The following KRCC1 variants were observed in gnomAD, a reference collection of about 807,000 sequenced individuals.
The protein encoded by KRCC1 is lysine-rich coiled-coil protein 1.
In KRCC1, 3 loss-of-function variants were observed where a neutral mutation model predicts 7.4. The observed-to-expected ratio is 0.40, with a 90% CI of 0.18 to 1.04. KRCC1 has a LOEUF of 1.04. Ranked by LOEUF, KRCC1 falls within the 50% of genes least tolerant of loss-of-function variation. KRCC1 has a pLI of 0.33. For synonymous variants in KRCC1, 102 were observed against 101.6 expected, an observed-to-expected ratio of 1.00 and a Z score of -0.02; for missense variants, 277 against 300.9, an observed-to-expected ratio of 0.92 and a Z score of 0.59.
chr2:88,036,603 T>C (rs1673095532), intron 2 of KRCC1, among the ~76,000 whole-genome samples: 1 of 152,208 alleles, frequency 6.6e-6, no homozygotes, highest in African/African-American at 2.4e-5. Context: ...AAAGGAAGAC[T>C]CTGGGGATCT....
At chr2:88,034,639 TTAAAA>T (rs1324418641) in intron 2 of KRCC1, among the ~76,000 whole-genome samples, 1 of 152,228 alleles carries the variant, frequency 6.6e-6, no homozygotes, top group Non-Finnish European at 1.5e-5. Context: ...ACGTGAACAC[TTAAAA>T]TAATCTTTTA....
chr2:88,044,391 C>T (rs1322117458), intron 1 of KRCC1, among the ~76,000 whole-genome samples: 1 of 47,986 alleles, frequency 2.1e-5, no homozygotes, highest in African/African-American at 6.5e-5. Flanking sequence ...CTTGTCTCTA[C>T]AAAAGAAAAC....
intron 3 of KRCC1, 116 bp from the exon 4 acceptor site, chr2:88,028,701 G>A: frequency 1.5e-6 from 1 of 652,142 alleles, no homozygotes; most frequent in Non-Finnish European, 2.5e-6. Context: ...CCAGACTAGA[G>A]TGCAGTGGGG....
At chr2:88,043,532 T>C (rs1673259933) in intron 1 of KRCC1, among the ~76,000 whole-genome samples, 2 of 152,242 alleles carry the variant, frequency 1.3e-5, no homozygotes, top group African/African-American at 2.4e-5. Flanking sequence ...ATGACTTGTG[T>C]TTTCAATAAA....
At chr2:88,031,587 A>C (rs1416486026) in intron 3 of KRCC1, among the ~76,000 whole-genome samples, 1 of 152,014 alleles carries the variant, frequency 6.6e-6, no homozygotes, top group East Asian at 1.9e-4. Context: ...GTGCCACTGC[A>C]CTCCAGCCTG....
intron 1 of KRCC1, among the ~76,000 whole-genome samples, chr2:88,045,952 T>A (rs1673323463): frequency 6.6e-6 from 1 of 152,190 alleles, no homozygotes; most frequent in Non-Finnish European, 1.5e-5. Flanking sequence ...AGTGCCAGGA[T>A]TACAGGCGTG....
intron 2 of KRCC1, among the ~76,000 whole-genome samples, chr2:88,034,790 T>C (rs1673060725): frequency 6.6e-6 from 1 of 152,158 alleles, no homozygotes; most frequent in South Asian, 2.1e-4. Flanking sequence ...GCAAATGTCT[T>C]TCCTTTCTCT....
intron 1 of KRCC1, among the ~76,000 whole-genome samples, chr2:88,047,726 C>T (rs1673370611): frequency 6.6e-6 from 1 of 151,288 alleles, no homozygotes; most frequent in South Asian, 2.1e-4. Context: ...ACCGGGGTTT[C>T]ACCATGTTGC....
intron 3 of KRCC1, among the ~76,000 whole-genome samples, chr2:88,029,260 G>A (rs1464236388): frequency 6.6e-6 from 1 of 152,164 alleles, no homozygotes; most frequent in African/African-American, 2.4e-5. Flanking sequence ...AAGTTCTCAT[G>A]AATTGGTTTC....
chr2:88,036,726 T>C (rs1487323009), intron 2 of KRCC1, among the ~76,000 whole-genome samples: 1 of 152,178 alleles, frequency 6.6e-6, no homozygotes, highest in Non-Finnish European at 1.5e-5. Context: ...GAAGACAGAA[T>C]GGAGAAAGGA....
chr2:88,028,147 G>A lies in KRCC1; in HGVS notation c.417C>T (p.His139=). 3 of 1,614,112 alleles carry A rather than the reference G, an allele frequency of 1.9e-6. No homozygotes were observed. The highest frequency in any genetic ancestry group is 1.7e-6 in the Non-Finnish European group (2 of 1,180,030). The change falls in exon 4 of 4, where the codon CAC becomes CAT. Residue 139 remains histidine (H), a synonymous_variant. Transcript: ENST00000347055. ...SHGVEHRVYK[H]FSSDNSTSTH... ...TACTGGTACTGTTATCTGAGGAGAA[G>A]TGCTTGTAAACTCTATGTTCTACAC...
intron 1 of KRCC1, among the ~76,000 whole-genome samples, chr2:88,038,246 G>C (rs1238028989): frequency 1.3e-5 from 2 of 152,304 alleles, no homozygotes; most frequent in South Asian, 4.1e-4. Flanking sequence ...TCCTTTCCTG[G>C]AGAAGAGGGA....
intron 1 of KRCC1, among the ~76,000 whole-genome samples, chr2:88,041,986 T>C (rs1411866935): frequency 1.3e-5 from 2 of 152,082 alleles, no homozygotes; most frequent in Non-Finnish European, 2.9e-5. Context: ...CCATGTGATA[T>C]GGATGTTGAC....
intron 1 of KRCC1, among the ~76,000 whole-genome samples, chr2:88,053,847 T>C (rs1673553744): frequency 6.6e-6 from 1 of 152,170 alleles, no homozygotes; most frequent in South Asian, 2.1e-4. Flanking sequence ...TATTTATAGG[T>C]GTCTCTCTTG....
At chr2:88,031,007 T>TAC (rs2104604037) in intron 3 of KRCC1, among the ~76,000 whole-genome samples, 1 of 152,310 alleles carries the variant, frequency 6.6e-6, no homozygotes, top group East Asian at 1.9e-4. Context: ...TAGCATACAC[T>TAC]ATGTACAGTA....
chr2:88,054,269 C>G (rs980505419), intron 1 of KRCC1, among the ~76,000 whole-genome samples: 3 of 152,182 alleles, frequency 2.0e-5, no homozygotes, highest in African/African-American at 7.2e-5. Context: ...GGCAATCCAG[C>G]CCTCTTTTGA....
chr2:88,048,409 T>C (rs551853457), intron 1 of KRCC1, among the ~76,000 whole-genome samples: 95 of 152,316 alleles, frequency 6.2e-4, no homozygotes, highest in African/African-American at 2.0e-3. Flanking sequence ...TCTAAAAGTA[T>C]CTTATGTTTT....
chr2:88,029,692 A>G (rs1367276759), intron 3 of KRCC1, among the ~76,000 whole-genome samples: 1 of 151,948 alleles, frequency 6.6e-6, no homozygotes, highest in Non-Finnish European at 1.5e-5. Flanking sequence ...CTTGCAGTAG[A>G]TACACCATTT....
At chr2:88,032,160 AATTAATTT>A (rs2104605494) in intron 3 of KRCC1, among the ~76,000 whole-genome samples, 1 of 152,112 alleles carries the variant, frequency 6.6e-6, no homozygotes, top group East Asian at 1.9e-4. Context: ...TTAATTAATT[AATTAATTT>A]AATGTAGCCT....
Sources: allele counts gnomAD v4.1 joint callset (sites outside exome capture counted in the v4.1 genomes callset), GRCh38; gene constraint gnomAD v4.1.1; transcripts MANE v1.5; gene names NCBI Gene and HGNC (gene_info 2026-07-23, HGNC 2026-07-21).